Variants in EML6 observed in about 807,000 individuals in gnomAD.
EML6 encodes EMAP like 6, also known as echinoderm microtubule-associated protein-like 6.
EML6 carries 154 observed loss-of-function variants against 240.1 expected under a neutral mutation model. That is an observed-to-expected ratio of 0.64 (90% CI 0.56 to 0.73). The LOEUF (loss-of-function observed/expected upper bound fraction) is 0.73. Among genes scored for constraint, EML6 ranks in the 30% least tolerant of loss-of-function variants. The pLI, the probability that EML6 is intolerant of heterozygous loss-of-function variation, is 0.00. For synonymous variants in EML6, 1,148 were observed against 899.0 expected, an observed-to-expected ratio of 1.28 and a Z score of -4.95; for missense variants, 2,964 against 2,474.6, an observed-to-expected ratio of 1.20 and a Z score of -4.20.
At chr2:54,881,015 CTATT>C (rs935769992) in intron 17 of EML6, 6 of 152,086 alleles carry the variant, frequency 3.9e-5, no homozygotes, top group African/African-American at 1.4e-4. Context: ...GTTACTGCCT[CTATT>C]TAACACAAAG....
At chr2:54,958,145 C>T in intron 33 of EML6, 147 bp downstream of exon 33, 1 of 661,340 alleles carries the variant, frequency 1.5e-6, no homozygotes. Flanking sequence ...TTATCTGCAA[C>T]CACTGTTCCT....
In EML6 at chr2:54,916,870, G is replaced by A; in HGVS notation, c.3610G>A (p.Asp1204Asn). 1 of 1,550,492 alleles carries A rather than the reference G, an allele frequency of 6.4e-7. No homozygotes were observed. Among genetic ancestry groups the A allele is most frequent in the South Asian group, 1.2e-5 (1 of 83,984 alleles). ...TDVNAASLTK[D>N]CSLLATGDDF... The stretch of plus-strand genomic sequence containing the variant: ...CGTAAATGCTGCCAGTCTTACCAAA[G>A]ACTGTTCCCTTTTAGCCACCGGAGA... The change falls in exon 26 of 42, where the codon GAC becomes AAC. Residue 1204 changes from aspartate (D) to asparagine (N), a missense_variant. Transcript: ENST00000356458.
intron 28 of EML6, among the ~76,000 whole-genome samples, chr2:54,931,142 A>G (rs1343218117): frequency 1.3e-5 from 2 of 151,306 alleles, no homozygotes; most frequent in African/African-American, 2.4e-5. Context: ...TATTTTTAGT[A>G]GAGACGGGGT....
intron 26 of EML6, among the ~76,000 whole-genome samples, chr2:54,924,726 T>A (rs1472378215): frequency 6.6e-6 from 1 of 152,156 alleles, no homozygotes. Context: ...CATACCTGGC[T>A]AATTTTTTGT....
intron 16 of EML6, 124 bp from the exon 17 acceptor site, chr2:54,879,423 A>G (rs1355658812): frequency 1.5e-5 from 10 of 663,108 alleles, no homozygotes; most frequent in Admixed American, 2.6e-5. Context: ...CAGGGCAGCT[A>G]TCACATCCAT....
At chr2:54,949,109 C>G (rs1031039447) in intron 29 of EML6, 149 bp downstream of exon 29, 7 of 651,536 alleles carry the variant, frequency 1.1e-5, no homozygotes, top group Admixed American at 7.3e-5. Context: ...CTACGTAGCA[C>G]TGTGTCTTCC....
At chr2:54,938,619 T>C (rs1235997373) in intron 28 of EML6, among the ~76,000 whole-genome samples, 2 of 152,250 alleles carry the variant, frequency 1.3e-5, no homozygotes, top group Non-Finnish European at 2.9e-5. Context: ...AAAACAGTTC[T>C]AACATACTTT....
intron 11 of EML6, among the ~76,000 whole-genome samples, chr2:54,855,347 G>T (rs903930330): frequency 9.2e-5 from 14 of 152,066 alleles, no homozygotes; most frequent in Non-Finnish European, 1.2e-4. Context: ...TCCTACACTT[G>T]TGAGCAAGCA....
At chr2:54,825,639 C>G (rs1395183158) in intron 5 of EML6, among the ~76,000 whole-genome samples, 17 of 152,118 alleles carry the variant, frequency 1.1e-4, no homozygotes, top group Admixed American at 1.1e-3. Flanking sequence ...GAGCTGATAC[C>G]TTTTTCTGAG....
chr2:54,940,065 T>C (rs902236636), intron 28 of EML6, among the ~76,000 whole-genome samples: 2 of 152,240 alleles, frequency 1.3e-5, no homozygotes, highest in African/African-American at 2.4e-5. Flanking sequence ...CAAGGAACTT[T>C]TACCAAACCA....
At chr2:54,897,001 C>T (rs1046135363) in intron 21 of EML6, among the ~76,000 whole-genome samples, 1 of 152,196 alleles carries the variant, frequency 6.6e-6, no homozygotes, top group Non-Finnish European at 1.5e-5. Context: ...TCTTTGTTCT[C>T]CAGCTGTTCT....
intron 2 of EML6, among the ~76,000 whole-genome samples, chr2:54,797,834 A>G (rs1482798928): frequency 2.6e-5 from 4 of 152,184 alleles, no homozygotes; most frequent in African/African-American, 9.7e-5. Context: ...TCTGGGCTTC[A>G]GTGTCATTGA....
At position 54,758,418 on chromosome 2, in the gene EML6, C is replaced by T. The variant is rs546231212; in HGVS notation, c.197+33160C>T. Among the ~76,000 whole-genome samples, 7 of 152,254 alleles carry T rather than the reference C, an allele frequency of 4.6e-5. No homozygotes were observed. In the South Asian group the frequency reaches 1.5e-3, roughly 32 times the overall value. On this transcript the variant is annotated intron_variant, in intron 2 of 41. Transcript: ENST00000356458. ...CCCAGAATGTGCTCTTATAGTTTCTCTTATTTCTGGACCTCTATACGTGTG... is the reference window on the plus strand; with the variant it reads ...CCCAGAATGTGCTCTTATAGTTTCTTTTATTTCTGGACCTCTATACGTGTG...
At chr2:54,806,706 TA>T (rs1412699844) in intron 2 of EML6, among the ~76,000 whole-genome samples, 1 of 149,856 alleles carries the variant, frequency 6.7e-6, no homozygotes, top group African/African-American at 2.4e-5. Flanking sequence ...GGTGGTTAAT[TA>T]ATAACAATAC....
intron 2 of EML6, among the ~76,000 whole-genome samples, chr2:54,785,334 C>A (rs1669034111): frequency 6.6e-6 from 1 of 151,984 alleles, no homozygotes; most frequent in Non-Finnish European, 1.5e-5. Context: ...AGCCACCACG[C>A]CTGGCTTATT....
chr2:54,753,761 C>G (rs549516328), intron 2 of EML6, among the ~76,000 whole-genome samples: 51 of 151,202 alleles, frequency 3.4e-4, no homozygotes, highest in Non-Finnish European at 6.3e-4. Context: ...GAACTCCAGG[C>G]CTCAAGCTCA....
intron 17 of EML6, among the ~76,000 whole-genome samples, chr2:54,888,611 A>T (rs1318190885): frequency 6.6e-6 from 1 of 152,156 alleles, no homozygotes; most frequent in East Asian, 1.9e-4. Context: ...AATTGGAACT[A>T]TATAGTATGT....
chr2:54,782,337 G>C (rs1015153970), intron 2 of EML6, among the ~76,000 whole-genome samples: 1 of 151,998 alleles, frequency 6.6e-6, no homozygotes, highest in Non-Finnish European at 1.5e-5. Flanking sequence ...GGTTTTTAAA[G>C]TCAAATTTTT....
intron 2 of EML6, among the ~76,000 whole-genome samples, chr2:54,784,850 A>T (rs1032022101): frequency 8.8e-6 from 1 of 113,382 alleles, no homozygotes; most frequent in Non-Finnish European, 1.7e-5. Flanking sequence ...AATCATAAGG[A>T]AGAGAAAAAT....
Sources: gnomAD v4.1 joint callset for allele counts (sites outside exome capture counted in the v4.1 genomes callset) on GRCh38, gnomAD v4.1.1 for gene constraint, MANE v1.5 for transcripts, NCBI Gene and HGNC (gene_info 2026-07-23, HGNC 2026-07-21) for gene names.